The following CDK8 variants were observed in gnomAD, a reference collection of about 807,000 sequenced individuals.
CDK8 encodes cyclin-dependent kinase 8.
Under a neutral mutation model 71.5 loss-of-function variants are expected in CDK8, and 29 were observed. The observed-to-expected ratio is 0.41, with a 90% CI of 0.30 to 0.55. CDK8 has a LOEUF of 0.55. CDK8 is among the 20% of genes least tolerant of loss of function. The pLI, the probability that CDK8 is intolerant of heterozygous loss-of-function variation, is 0.37. For missense variants in CDK8, 288 were observed against 572.6 expected (o/e 0.50, Z 5.07); for synonymous variants, 161 against 192.1 (o/e 0.84, Z 1.34).
chr13:26,392,143 T>G (rs1306667005), intron 6 of CDK8, among the ~76,000 whole-genome samples: 2 of 152,176 alleles, frequency 1.3e-5, no homozygotes, highest in African/African-American at 2.4e-5. Flanking sequence ...AAATGAAATA[T>G]TTTCAGCTTT....
chr13:26,281,633 T>TAGCTCCCCAGCAATGGGTACAAAA (rs1872752193), intron 1 of CDK8, among the ~76,000 whole-genome samples: 1 of 104,330 alleles, frequency 9.6e-6, no homozygotes. Flanking sequence ...TGGGTCCAAA[T>TAGCTCCCCAGCAATGGGTACAAAA]CAAGAAGAAG....
intron 4 of CDK8, among the ~76,000 whole-genome samples, chr13:26,364,513 G>A (rs556631576): frequency 1.3e-5 from 2 of 151,998 alleles, no homozygotes; most frequent in Admixed American, 6.6e-5. Flanking sequence ...TTTGAATAGC[G>A]GTTAGGAGGG....
chr13:26,309,357 T>A lies in CDK8; in HGVS notation c.129-28210T>A, dbSNP rs191830854. 2.4e-4 allele frequency among the ~76,000 whole-genome samples: 36 copies of A among 152,256 alleles called. 1 individual carries two copies. In the East Asian group the frequency reaches 6.9e-3, roughly 29 times the overall value. On this transcript the variant is annotated intron_variant, in intron 1 of 12. Coordinates refer to ENST00000381527, the MANE Select transcript of CDK8 (RefSeq NM_001260.3). ...GGTTTCACCGTGTTAGCTAGGATGG[T>A]CTCGATCTCCTGACCTTGTGATCCA... is the stretch of plus-strand genomic sequence containing the variant.
intron 2 of CDK8, among the ~76,000 whole-genome samples, chr13:26,348,017 A>G (rs1050604739): frequency 1.6e-4 from 25 of 152,138 alleles, no homozygotes; most frequent in African/African-American, 5.3e-4. Context: ...CACAATAACC[A>G]GAGGTGAAAA....
rs536624360 is a variant in CDK8, at chr13:26,295,288, A to AT, written c.128+40525dup. Among the ~76,000 whole-genome samples, 1,027 of 151,910 alleles carry AT rather than the reference A, an allele frequency of 6.8e-3. 8 individuals carry two copies. The highest frequency in any genetic ancestry group is 0.024 in the Middle Eastern group (7 of 294). ...ATCCCTTAGACTTTGGTATGTGTAG[A>AT]TTTTTTCTCTTGGGCTTCCCTGTTG... On this transcript the variant is annotated intron_variant, in intron 1 of 12. Coordinates refer to ENST00000381527, the MANE Select transcript of CDK8 (RefSeq NM_001260.3).
rs771039076 is a variant in CDK8 at position 26,337,594 on chromosome 13, A to G, written c.156A>G (p.Lys52=). The G allele has an allele frequency of 1.9e-5, 28 of 1,464,524 alleles. No homozygotes were observed. The highest frequency in any genetic ancestry group is 2.5e-5 in the Admixed American group (1 of 40,372). 90.7% of individuals were successfully genotyped at this position (1,464,524 alleles called of 1,614,324 possible). The part of the protein sequence containing the change: ...DGKDDKDYAL[K]QIEGTGISMS... ...AGGATGATAAAGACTATGCTTTAAA[A>G]CAAATAGAAGGAACTGGGATCTCTA... The change falls in exon 2 of 13, where the codon AAA becomes AAG. Residue 52 remains lysine (K), a synonymous_variant. Coordinates refer to ENST00000381527, the MANE Select transcript of CDK8 (RefSeq NM_001260.3).
At chr13:26,367,366 G>T (rs1874439353) in intron 4 of CDK8, among the ~76,000 whole-genome samples, 1 of 150,684 alleles carries the variant, frequency 6.6e-6, no homozygotes, top group Non-Finnish European at 1.5e-5. Context: ...GAAAATCTTG[G>T]GTTATCTATC....
chr13:26,324,411 G>A (rs1197666874), intron 1 of CDK8, among the ~76,000 whole-genome samples: 1 of 152,116 alleles, frequency 6.6e-6, no homozygotes, highest in African/African-American at 2.4e-5. Context: ...CGATTAAGGA[G>A]ACAAAGACAT....
At chr13:26,282,502 GACAA>G (rs1872795017) in intron 1 of CDK8, among the ~76,000 whole-genome samples, 1 of 152,106 alleles carries the variant, frequency 6.6e-6, no homozygotes, top group South Asian at 2.1e-4. Context: ...GTCTTTCTCA[GACAA>G]ACAAATGCTG....
At chr13:26,336,571 T>TTTTTTTTA (rs1872995919) in intron 1 of CDK8, among the ~76,000 whole-genome samples, 1 of 146,808 alleles carries the variant, frequency 6.8e-6, no homozygotes, top group African/African-American at 2.5e-5. Flanking sequence ...TTTTTTTTTT[T>TTTTTTTTA]GAGACGGAGT....
At chr13:26,318,474 A>G in intron 1 of CDK8, among the ~76,000 whole-genome samples, 1 of 152,170 alleles carries the variant, frequency 6.6e-6, no homozygotes, top group Non-Finnish European at 1.5e-5. Flanking sequence ...AGCCAGACAA[A>G]CACTATAAGA....
chr13:26,273,633 C>CCAT (rs1460244137), intron 1 of CDK8, among the ~76,000 whole-genome samples: 59 of 151,660 alleles, frequency 3.9e-4, no homozygotes, highest in Non-Finnish European at 7.4e-5. Context: ...AAAACATTAG[C>CCAT]CATCATATGT....
rs1434045513 is a variant in CDK8, at chr13:26,254,649, A to G, written c.8A>G (p.Tyr3Cys). Residue 3 changes from tyrosine (Y) to cysteine (C), a missense_variant, in exon 1 of 13, where the codon TAT (tyrosine) becomes TGT (cysteine). Transcript: ENST00000381527. This position sits in a 1 kb window ranked among gnomAD's most constrained non-coding sequence, Gnocchi z 6.7. Reference protein sequence around the residue: MDYDFKVKLSSER... With the variant: MDCDFKVKLSSER... ...GCCTCAGAGGCTGTGACAATGGACT[A>G]TGACTTTAAAGTGAAGCTGAGCAGC... is the stretch of plus-strand genomic sequence containing the variant. The G allele has an allele frequency of 5.6e-6, 9 of 1,608,042 alleles. No homozygotes were observed. Among genetic ancestry groups the G allele is most frequent in the African/African-American group, 1.3e-5 (1 of 74,798 alleles).
At chr13:26,351,312 T>A (rs1175274250) in intron 3 of CDK8, among the ~76,000 whole-genome samples, 1 of 152,170 alleles carries the variant, frequency 6.6e-6, no homozygotes, top group Non-Finnish European at 1.5e-5. Flanking sequence ...TTTATGAAAC[T>A]CTTTCCAAAG....
Position 26,254,842 on chromosome 13 carries a change from G to T in CDK8, c.128+73G>T. 1.3e-6 allele frequency: 2 copies of T among 1,569,628 alleles called. No individual in the cohort carries two copies. Among genetic ancestry groups the T allele is most frequent in the South Asian group, 2.3e-5 (2 of 86,610 alleles). On this transcript the variant is annotated intron_variant, in intron 1 of 12. Coordinates refer to ENST00000381527, the MANE Select transcript of CDK8 (RefSeq NM_001260.3). This position sits in a 1 kb window ranked among gnomAD's most constrained non-coding sequence, Gnocchi z 6.7. The stretch of plus-strand genomic sequence containing the variant: ...CAGGCCGAGGCAGGTAGCCCGGAGG[G>T]AGAGCGGGCCGCCGGGGTGCCGGGC...
intron 6 of CDK8, among the ~76,000 whole-genome samples, chr13:26,391,046 A>G (rs1255282412): frequency 6.6e-6 from 1 of 152,080 alleles, no homozygotes; most frequent in African/African-American, 2.4e-5. Context: ...CTTATTTACA[A>G]TAATTAGAAA....
At chr13:26,311,809 C>CCAAT (rs1874295672) in intron 1 of CDK8, among the ~76,000 whole-genome samples, 1 of 152,112 alleles carries the variant, frequency 6.6e-6, no homozygotes, top group Non-Finnish European at 1.5e-5. Flanking sequence ...TATTTCTGAA[C>CCAAT]CAATCACAGG....
chr13:26,317,471 A>G (rs960022334), intron 1 of CDK8, among the ~76,000 whole-genome samples: 7 of 152,206 alleles, frequency 4.6e-5, no homozygotes, highest in Non-Finnish European at 1.0e-4. Flanking sequence ...AGAATATTCT[A>G]CCCAACAAAA....
intron 1 of CDK8, among the ~76,000 whole-genome samples, chr13:26,301,100 C>T (rs1457401408): frequency 6.6e-6 from 1 of 151,860 alleles, no homozygotes; most frequent in Non-Finnish European, 1.5e-5. Context: ...TAGTCCTTTT[C>T]ACTTCTGCAG....
Sources: allele counts gnomAD v4.1 joint callset (sites outside exome capture counted in the v4.1 genomes callset), GRCh38; gene constraint gnomAD v4.1.1; non-coding constraint Gnocchi (gnomAD v3.1); transcripts MANE v1.5; gene names NCBI Gene and HGNC (gene_info 2026-07-23, HGNC 2026-07-21).